Variants in MAP6 observed in about 807,000 individuals in gnomAD.
MAP6 encodes microtubule-associated protein 6.
A neutral mutation model predicts 42.4 loss-of-function variants in MAP6; 26 were observed. That is an observed-to-expected ratio of 0.61 (90% CI 0.45 to 0.85). MAP6 has a LOEUF of 0.85. Among genes scored for constraint, MAP6 ranks in the 40% least tolerant of loss-of-function variants. The pLI, the probability that MAP6 is intolerant of heterozygous loss-of-function variation, is 0.00. For synonymous variants in MAP6, 418 were observed against 443.8 expected (o/e 0.94, Z 0.73); for missense variants, 966 against 1,099.0 (o/e 0.88, Z 1.71).
chr11:75,614,904 A>G (rs1471628916), intron 1 of MAP6, among the ~76,000 whole-genome samples: 1 of 152,250 alleles, frequency 6.6e-6, no homozygotes, highest in Admixed American at 6.5e-5. Flanking sequence ...TTTCCAGCAG[A>G]GCTGCAGCAT....
At chr11:75,610,527 A>G (rs566565151) in intron 1 of MAP6, among the ~76,000 whole-genome samples, 1 of 152,256 alleles carries the variant, frequency 6.6e-6, no homozygotes, top group African/African-American at 2.4e-5. Context: ...GGGGAAGGGC[A>G]TAAGAGGCTA....
intron 3 of MAP6, among the ~76,000 whole-genome samples, chr11:75,602,305 A>G (rs1942676776): frequency 6.6e-6 from 1 of 151,972 alleles, no homozygotes; most frequent in Admixed American, 6.5e-5. Context: ...CCTTCATCTG[A>G]GTTCCCAACT....
intron 2 of MAP6, 93 bp from the exon 3 acceptor site, chr11:75,606,097 G>T (rs1454953666): frequency 6.9e-7 from 1 of 1,450,364 alleles, no homozygotes; most frequent in African/African-American, 1.4e-5. Flanking sequence ...ATTAAGGAAT[G>T]ACGGTAATGA....
At chr11:75,636,549 C>T (rs1241401798) in intron 1 of MAP6, among the ~76,000 whole-genome samples, 2 of 152,146 alleles carry the variant, frequency 1.3e-5, no homozygotes, top group African/African-American at 4.8e-5. Context: ...CCAGGACTAG[C>T]CAATTTTTAG....
intron 1 of MAP6, among the ~76,000 whole-genome samples, chr11:75,629,288 A>G (rs1943246347): frequency 1.3e-5 from 2 of 152,026 alleles, no homozygotes; most frequent in African/African-American, 4.8e-5. Context: ...GGGTTTCACC[A>G]TGTTGGTCAG....
At chr11:75,598,728 A>G (rs1385403964) in intron 3 of MAP6, among the ~76,000 whole-genome samples, 1 of 152,230 alleles carries the variant, frequency 6.6e-6, no homozygotes, top group Non-Finnish European at 1.5e-5. Flanking sequence ...GACACTGTCT[A>G]TGGTAGGCTT....
chr11:75,618,199 C>A (rs1029635050), intron 1 of MAP6, among the ~76,000 whole-genome samples: 1 of 151,106 alleles, frequency 6.6e-6, no homozygotes, highest in Non-Finnish European at 1.5e-5. Flanking sequence ...TCTTGAGAAC[C>A]ATGCTAATTT....
intron 1 of MAP6, among the ~76,000 whole-genome samples, chr11:75,611,276 C>A (rs1942892040): frequency 6.6e-6 from 1 of 152,270 alleles, no homozygotes; most frequent in South Asian, 2.1e-4. Context: ...CTCTGTCGCA[C>A]CCCTGCCCAC....
At chr11:75,632,136 C>A (rs1365730418) in intron 1 of MAP6, among the ~76,000 whole-genome samples, 1 of 152,162 alleles carries the variant, frequency 6.6e-6, no homozygotes, top group Non-Finnish European at 1.5e-5. Context: ...CCTCACCGAG[C>A]CTTCTTGCTT....
intron 1 of MAP6, among the ~76,000 whole-genome samples, chr11:75,640,195 C>A (rs547227102): frequency 2.4e-4 from 36 of 151,310 alleles, no homozygotes; most frequent in Non-Finnish European, 3.8e-4. Flanking sequence ...CCCCACCCCC[C>A]CACACACACA....
intron 1 of MAP6, among the ~76,000 whole-genome samples, chr11:75,665,840 G>A (rs898973451): frequency 1.6e-4 from 24 of 152,118 alleles, no homozygotes; most frequent in Non-Finnish European, 4.4e-5. Context: ...GTACTCCTGG[G>A]TTCCCAGTGT....
chr11:75,609,346 G>A (rs1269503538), intron 1 of MAP6, among the ~76,000 whole-genome samples: 1 of 152,178 alleles, frequency 6.6e-6, no homozygotes, highest in Admixed American at 6.5e-5. Context: ...AAGCTGCACT[G>A]TGGGAAAGGA....
intron 3 of MAP6, among the ~76,000 whole-genome samples, chr11:75,600,589 C>T (rs1590756987): frequency 6.6e-6 from 1 of 152,088 alleles, no homozygotes; most frequent in Non-Finnish European, 1.5e-5. Flanking sequence ...CTTGGCTGCC[C>T]TAGCCGCTTT....
chr11:75,648,595 T>TA (rs1458911222), intron 1 of MAP6, among the ~76,000 whole-genome samples: 1 of 151,890 alleles, frequency 6.6e-6, no homozygotes, highest in Non-Finnish European at 1.5e-5. Flanking sequence ...ACATTAGCAA[T>TA]AAAAAATAAA....
intron 1 of MAP6, among the ~76,000 whole-genome samples, chr11:75,640,237 G>A (rs117800979): frequency 0.011 from 1,418 of 134,944 alleles, 9 homozygotes; most frequent in Non-Finnish European, 0.017. Context: ...TCTCTCACAC[G>A]TCTTTCCCTA....
chr11:75,657,300 C>T (rs61343133), intron 1 of MAP6, among the ~76,000 whole-genome samples: 2,558 of 152,038 alleles, frequency 0.017, 76 homozygotes, highest in African/African-American at 0.059. Flanking sequence ...TTAGTAGAGA[C>T]GGGGGTTTCA....
At chr11:75,605,553 G>C (rs979652245) in intron 3 of MAP6, 2 of 1,279,792 alleles carry the variant, frequency 1.6e-6, no homozygotes, top group African/African-American at 3.0e-5. Flanking sequence ...AGTGCCAGGG[G>C]AGGGCACAGC....
intron 1 of MAP6, among the ~76,000 whole-genome samples, chr11:75,622,562 T>C (rs1943128735): frequency 6.6e-6 from 1 of 152,216 alleles, no homozygotes; most frequent in African/African-American, 2.4e-5. Flanking sequence ...TCTCTAGAAA[T>C]TGATCTATAA....
intron 1 of MAP6, among the ~76,000 whole-genome samples, chr11:75,618,073 A>C (rs904353505): frequency 1.2e-4 from 18 of 150,366 alleles, no homozygotes; most frequent in African/African-American, 3.4e-4. Flanking sequence ...AGTACGGTAC[A>C]TCTAGTGAAG....
Sources: allele counts gnomAD v4.1 joint callset (sites outside exome capture counted in the v4.1 genomes callset), GRCh38; gene constraint gnomAD v4.1.1; transcripts MANE v1.5; gene names NCBI Gene and HGNC (gene_info 2026-07-23, HGNC 2026-07-21).